RGS7: variants seen among roughly 807,000 people sequenced by gnomAD.
RGS7 encodes regulator of G protein signaling 7.
In RGS7, 27 loss-of-function variants were observed where a neutral mutation model predicts 81.1. The ratio of observed to expected loss-of-function variants is 0.33; its 90% confidence interval spans 0.25 to 0.46. RGS7 has a LOEUF of 0.46. Ranked by LOEUF, RGS7 falls within the 20% of genes least tolerant of loss-of-function variation. The pLI, the probability that RGS7 is intolerant of heterozygous loss-of-function variation, is 1.00. For synonymous variants in RGS7, 208 were observed against 207.7 expected (o/e 1.00, Z -0.01); for missense variants, 396 against 607.4 (o/e 0.65, Z 3.66).
intron 3 of RGS7, among the ~76,000 whole-genome samples, chr1:241,048,647 G>A (rs1207191645): frequency 5.3e-5 from 8 of 152,182 alleles, no homozygotes; most frequent in Non-Finnish European, 1.0e-4. Context: ...AGAAGCCCAG[G>A]GAAAATACTG....
intron 2 of RGS7, among the ~76,000 whole-genome samples, chr1:241,354,754 TG>T (rs1261141909): frequency 6.6e-6 from 1 of 152,208 alleles, no homozygotes; most frequent in Non-Finnish European, 1.5e-5. Flanking sequence ...TTAACAATTT[TG>T]GGGTGTTTCA....
chr1:240,974,406 C>T (rs1683753146), intron 4 of RGS7, among the ~76,000 whole-genome samples: 1 of 152,154 alleles, frequency 6.6e-6, no homozygotes, highest in Non-Finnish European at 1.5e-5. Flanking sequence ...TAAGAGAGCA[C>T]AAACTGAATC....
intron 3 of RGS7, among the ~76,000 whole-genome samples, chr1:240,993,549 C>A (rs769703287): frequency 3.9e-5 from 6 of 151,910 alleles, no homozygotes; most frequent in Non-Finnish European, 7.4e-5. Flanking sequence ...TGACCATTTT[C>A]TAATTAATTT....
chr1:240,936,089 G>A (rs1676583680), intron 5 of RGS7, among the ~76,000 whole-genome samples: 1 of 152,190 alleles, frequency 6.6e-6, no homozygotes, highest in Non-Finnish European at 1.5e-5. Context: ...ACTCTTATCA[G>A]TTTGCAAGTT....
At chr1:241,344,859 A>G (rs2082785528) in intron 2 of RGS7, among the ~76,000 whole-genome samples, 1 of 152,240 alleles carries the variant, frequency 6.6e-6, no homozygotes, top group Admixed American at 6.5e-5. Context: ...GAGGCTGTTA[A>G]ACCTTGGGCA....
At chr1:240,877,759 G>T (rs1665691447) in intron 6 of RGS7, among the ~76,000 whole-genome samples, 1 of 152,090 alleles carries the variant, frequency 6.6e-6, no homozygotes, top group Non-Finnish European at 1.5e-5. Flanking sequence ...ATCTTTATTT[G>T]TTTTTGAAAT....
intron 2 of RGS7, among the ~76,000 whole-genome samples, chr1:241,101,199 A>C (rs2064710466): frequency 1.3e-5 from 2 of 152,202 alleles, no homozygotes; most frequent in South Asian, 4.1e-4. Flanking sequence ...GAAATCAAGT[A>C]TAAAAAGAAC....
chr1:240,844,785 A>T (rs1658759366), intron 9 of RGS7, among the ~76,000 whole-genome samples: 1 of 152,238 alleles, frequency 6.6e-6, no homozygotes, highest in Non-Finnish European at 1.5e-5. Context: ...AGCACAAAAG[A>T]AATATTTAAA....
At chr1:240,918,813 A>C (rs1318999043) in intron 6 of RGS7, among the ~76,000 whole-genome samples, 1 of 152,008 alleles carries the variant, frequency 6.6e-6, no homozygotes, top group East Asian at 1.9e-4. Flanking sequence ...TAAAACAATT[A>C]ATATTGATGA....
intron 3 of RGS7, among the ~76,000 whole-genome samples, chr1:241,030,262 A>G (rs980146844): frequency 4.0e-5 from 6 of 151,410 alleles, no homozygotes; most frequent in Non-Finnish European, 8.8e-5. Flanking sequence ...GTTGAGATAC[A>G]ATAGGTGCAG....
intron 2 of RGS7, among the ~76,000 whole-genome samples, chr1:241,289,824 G>T (rs151285637): frequency 7.9e-5 from 12 of 152,232 alleles, no homozygotes; most frequent in Non-Finnish European, 1.5e-4. Flanking sequence ...TGGAGGGAGA[G>T]CATGACTGCC....
In RGS7 at chr1:241,150,139, G is replaced by A. The variant is rs57906306; in HGVS notation, c.79-51377C>T. 5.9e-3 allele frequency among the ~76,000 whole-genome samples: 893 copies of A among 152,220 alleles called. 7 individuals carry two copies. Among genetic ancestry groups the A allele is most frequent in the African/African-American group, 0.02 (827 of 41,512 alleles). On this transcript the variant is annotated intron_variant, in intron 2 of 18. Coordinates refer to ENST00000440928, the MANE Select transcript of RGS7 (RefSeq NM_001364886.1). ...GAGCTAAAGAGATCCTGGCTGCAAC[G>A]TATTTGAGCAAAAAAATAATAATCA...
At chr1:241,196,032 G>A (rs2147817487) in intron 2 of RGS7, among the ~76,000 whole-genome samples, 1 of 152,058 alleles carries the variant, frequency 6.6e-6, no homozygotes, top group East Asian at 1.9e-4. Context: ...AAACCACATA[G>A]CTAGATGCAT....
chr1:241,155,745 C>T (rs1015403696), intron 2 of RGS7, among the ~76,000 whole-genome samples: 1 of 151,472 alleles, frequency 6.6e-6, no homozygotes, highest in African/African-American at 2.4e-5. Context: ...ATATGGAAAA[C>T]AAACATACAT....
chr1:241,064,746 A>C (rs2061961801), intron 3 of RGS7, among the ~76,000 whole-genome samples: 1 of 152,148 alleles, frequency 6.6e-6, no homozygotes, highest in African/African-American at 2.4e-5. Flanking sequence ...AGACAAAGAA[A>C]GAAAAAAAAG....
intron 2 of RGS7, among the ~76,000 whole-genome samples, chr1:241,333,293 G>C (rs1448558055): frequency 6.6e-6 from 1 of 152,202 alleles, no homozygotes; most frequent in Non-Finnish European, 1.5e-5. Context: ...GTTTAAATGA[G>C]AGAAAGTTCA....
At chr1:240,960,217 C>CTTCTTCTTTTTTTTTTTTTTTTTT (rs60911948) in intron 4 of RGS7, among the ~76,000 whole-genome samples, 1 of 8,956 alleles carries the variant, frequency 1.1e-4, no homozygotes. Context: ...TCTTCTTCTT[C>CTTCTTCTTTTTTTTTTTTTTTTTT]TTTTTTTTTT....
chr1:241,301,835 C>T (rs983438201), intron 2 of RGS7, among the ~76,000 whole-genome samples: 1 of 152,174 alleles, frequency 6.6e-6, no homozygotes, highest in African/African-American at 2.4e-5. Flanking sequence ...TGTGCATTAC[C>T]TTTATCAATT....
chr1:241,133,727 C>A (rs1426895818), intron 2 of RGS7, among the ~76,000 whole-genome samples: 1 of 152,180 alleles, frequency 6.6e-6, no homozygotes, highest in Non-Finnish European at 1.5e-5. Flanking sequence ...GTTCCCTGAT[C>A]CTGGTTTCTA....
Sources: allele counts gnomAD v4.1 joint callset (sites outside exome capture counted in the v4.1 genomes callset), GRCh38; gene constraint gnomAD v4.1.1; transcripts MANE v1.5; gene names NCBI Gene and HGNC (gene_info 2026-07-23, HGNC 2026-07-21).